Variants in ADAMTS3 observed in about 807,000 individuals in gnomAD.
The protein encoded by ADAMTS3 is A disintegrin and metalloproteinase with thrombospondin motifs 3.
Under a neutral mutation model 129.0 loss-of-function variants are expected in ADAMTS3, and 73 were observed. The ratio of observed to expected loss-of-function variants is 0.57; its 90% CI spans 0.47 to 0.69. The LOEUF (loss-of-function observed/expected upper bound fraction) is 0.69, where lower values mean the gene tolerates loss of function less well. Among genes scored for constraint, ADAMTS3 ranks in the 30% least tolerant of loss-of-function variants. The pLI is 0.00. For missense variants in ADAMTS3, 1,457 were observed against 1,514.5 expected, an observed-to-expected ratio of 0.96 and a Z score of 0.63; for synonymous variants, 477 against 510.8, an observed-to-expected ratio of 0.93 and a Z score of 0.89.
intron 4 of ADAMTS3, among the ~76,000 whole-genome samples, chr4:72,395,553 T>C (rs1239666201): frequency 2.0e-5 from 3 of 152,140 alleles, no homozygotes; most frequent in African/African-American, 4.8e-5. Flanking sequence ...TTTTATCCAA[T>C]AGGGAGTTGG....
chr4:72,378,390 C>T (rs1721188660), intron 4 of ADAMTS3, among the ~76,000 whole-genome samples: 1 of 152,170 alleles, frequency 6.6e-6, no homozygotes, highest in African/African-American at 2.4e-5. Context: ...TACACCTAAA[C>T]ATTGACCAAT....
In ADAMTS3 at chr4:72,309,281, C is replaced by A. The variant is rs1007746490; in HGVS notation, c.2179+116G>T. 7.1e-6 allele frequency: 7 copies of A among 990,854 alleles called. No homozygotes were observed. The African/African-American group carries it at 8.2e-5, about 12-fold the overall frequency. The allele number at this position is 990,854 out of a possible 1,614,324, so 61.4% of individuals were successfully genotyped here. On this transcript the variant is annotated intron_variant, in intron 15 of 21. Coordinates refer to ENST00000286657, the MANE Select transcript of ADAMTS3 (RefSeq NM_014243.3). The stretch of plus-strand genomic sequence containing the variant: ...AAAGGTAATCTGAATAACAATAAAT[C>A]AGCAGCTAAATTTTGATTATGTTTA...
chr4:72,499,790 A>G (rs1719964807), intron 3 of ADAMTS3, among the ~76,000 whole-genome samples: 1 of 152,028 alleles, frequency 6.6e-6, no homozygotes, highest in Non-Finnish European at 1.5e-5. Flanking sequence ...TCCCCACTGT[A>G]GTGGTCCCTC....
chr4:72,382,895 C>G (rs1249840121), intron 4 of ADAMTS3, among the ~76,000 whole-genome samples: 3 of 152,088 alleles, frequency 2.0e-5, no homozygotes, highest in African/African-American at 4.8e-5. Context: ...AGGAGGAAAG[C>G]AAGGGTTGCA....
At chr4:72,434,790 G>A (rs1482222992) in intron 3 of ADAMTS3, among the ~76,000 whole-genome samples, 1 of 151,816 alleles carries the variant, frequency 6.6e-6, no homozygotes, top group African/African-American at 2.4e-5. Context: ...TTCAAATTAG[G>A]GTTGGGTTTC....
At position 72,355,208 on chromosome 4, in the gene ADAMTS3, T is replaced by TAA. The variant is rs57820434; in HGVS notation, c.662-15517_662-15516dup. On this transcript the variant is annotated intron_variant, in intron 4 of 21. Transcript: ENST00000286657. ...TTGTTTACCTGAACAAAATAATAACTAAAAAAAAAAATCTTTTAAGGAACT... is the reference window on the plus strand; with the variant it reads ...TTGTTTACCTGAACAAAATAATAACTAAAAAAAAAAAAATCTTTTAAGGAACT... Among the ~76,000 whole-genome samples the TAA allele has an allele frequency of 1.7e-4, 25 of 147,072 alleles. 1 individual carries two copies. In the South Asian group the frequency reaches 3.4e-3, roughly 20 times the overall value.
chr4:72,476,882 C>A (rs879183961), intron 3 of ADAMTS3, among the ~76,000 whole-genome samples: 16 of 151,968 alleles, frequency 1.1e-4, no homozygotes, highest in Admixed American at 1.0e-3. Context: ...TCAATGTAAG[C>A]TAAAACATTA....
intron 17 of ADAMTS3, among the ~76,000 whole-genome samples, chr4:72,300,000 T>C (rs1317077856): frequency 1.3e-5 from 2 of 152,204 alleles, no homozygotes; most frequent in Admixed American, 1.3e-4. Flanking sequence ...GTGCAATTCA[T>C]TGGTATTCCA....
At chr4:72,327,206 A>T (rs1419270148) in intron 5 of ADAMTS3, among the ~76,000 whole-genome samples, 3 of 152,170 alleles carry the variant, frequency 2.0e-5, no homozygotes, top group Non-Finnish European at 4.4e-5. Context: ...TGTTTTTAAC[A>T]CTCAAATAAT....
chr4:72,478,693 G>A (rs1374339297), intron 3 of ADAMTS3, among the ~76,000 whole-genome samples: 1 of 151,386 alleles, frequency 6.6e-6, no homozygotes, highest in Non-Finnish European at 1.5e-5. Context: ...TTCTGGCCAG[G>A]GCAATTAGGC....
rs2109781604 is a variant in ADAMTS3, at chr4:72,298,390, A to C, written c.2477T>G (p.Ile826Ser). 1 of 1,612,856 alleles carries C rather than the reference A, an allele frequency of 6.2e-7. No individual in the cohort carries two copies. Among genetic ancestry groups the C allele is most frequent in the Non-Finnish European group, 8.5e-7 (1 of 1,179,134 alleles). ...GATTGTAGGTACAGAGTCTTCATGG[A>C]TGATGTACTTATATGTCAGGCTAGA... Reference protein sequence around the residue: ...TRSSLTYKYIIHEDSVPTINS... With the variant: ...TRSSLTYKYISHEDSVPTINS... The change falls in exon 18 of 22, where the codon ATC (isoleucine) becomes AGC (serine). Residue 826 changes from isoleucine (I) to serine (S), a missense_variant. By Grantham distance (142) the Ile-to-Ser change is moderately radical. Coordinates refer to ENST00000286657, the MANE Select transcript of ADAMTS3 (RefSeq NM_014243.3).
intron 3 of ADAMTS3, among the ~76,000 whole-genome samples, chr4:72,513,990 C>T (rs1720384933): frequency 6.6e-6 from 1 of 152,164 alleles, no homozygotes; most frequent in African/African-American, 2.4e-5. Flanking sequence ...TTAAGACCTT[C>T]CTCTTAAAAG....
At chr4:72,310,871 G>A (rs1311932828) in intron 14 of ADAMTS3, among the ~76,000 whole-genome samples, 177 bp downstream of exon 14, 3 of 152,086 alleles carry the variant, frequency 2.0e-5, no homozygotes, top group African/African-American at 4.8e-5. Context: ...AGTGACCAAA[G>A]TTTGATTTGA....
At chr4:72,480,454 C>G (rs1719400185) in intron 3 of ADAMTS3, among the ~76,000 whole-genome samples, 1 of 151,724 alleles carries the variant, frequency 6.6e-6, no homozygotes, top group Admixed American at 6.6e-5. Flanking sequence ...GACAAAAAAC[C>G]AAACACCACA....
chr4:72,327,423 C>T (rs1719726872), intron 5 of ADAMTS3, among the ~76,000 whole-genome samples: 1 of 152,090 alleles, frequency 6.6e-6, no homozygotes, highest in African/African-American at 2.4e-5. Flanking sequence ...ATACAGAGAG[C>T]TTATCAGCTT....
chr4:72,362,110 T>C (rs765362357), intron 4 of ADAMTS3, among the ~76,000 whole-genome samples: 5 of 152,136 alleles, frequency 3.3e-5, no homozygotes, highest in South Asian at 2.1e-4. Context: ...TTCTTGATCA[T>C]TGAAGCATAT....
At chr4:72,460,511 C>T (rs189792095) in intron 3 of ADAMTS3, among the ~76,000 whole-genome samples, 3 of 151,166 alleles carry the variant, frequency 2.0e-5, no homozygotes, top group East Asian at 2.0e-4. Context: ...AGTACAAAGG[C>T]CTTTTAAAAA....
intron 3 of ADAMTS3, among the ~76,000 whole-genome samples, chr4:72,477,707 G>T (rs1487626368): frequency 6.6e-6 from 1 of 151,980 alleles, no homozygotes; most frequent in Non-Finnish European, 1.5e-5. Flanking sequence ...AGAACTGAAG[G>T]AAATAGAGAC....
At chr4:72,506,223 G>A (rs920998126) in intron 3 of ADAMTS3, among the ~76,000 whole-genome samples, 4 of 152,102 alleles carry the variant, frequency 2.6e-5, no homozygotes, top group Non-Finnish European at 5.9e-5. Context: ...AAGGTGAAGG[G>A]ATGCTCAAAA....
Sources: gnomAD v4.1 joint callset for allele counts (sites outside exome capture counted in the v4.1 genomes callset) on GRCh38, gnomAD v4.1.1 for gene constraint, MANE v1.5 for transcripts, NCBI Gene and HGNC (gene_info 2026-07-23, HGNC 2026-07-21) for gene names.